APBB2: variants seen among roughly 807,000 people sequenced by gnomAD.
The protein encoded by APBB2 is Fe65-like 1.
Under a neutral mutation model 82.5 loss-of-function variants are expected in APBB2, and 38 were observed. The observed-to-expected ratio is 0.46, with a 90% CI of 0.36 to 0.60. The LOEUF is 0.60. Among genes scored for constraint, APBB2 ranks in the 20% least tolerant of loss-of-function variants. APBB2 has a pLI of 0.00. For missense variants in APBB2, 772 were observed against 972.3 expected (o/e 0.79, Z 2.74); for synonymous variants, 341 against 368.2 (o/e 0.93, Z 0.85).
At chr4:41,078,981 C>G (rs1392995846) in intron 3 of APBB2, among the ~76,000 whole-genome samples, 1 of 152,196 alleles carries the variant, frequency 6.6e-6, no homozygotes, top group Middle Eastern at 3.2e-3. Flanking sequence ...AACCCTGAAT[C>G]TAGAACCAGA....
At chr4:41,207,434 C>T (rs1360967093) in intron 1 of APBB2, among the ~76,000 whole-genome samples, 2 of 152,100 alleles carry the variant, frequency 1.3e-5, no homozygotes, top group East Asian at 3.9e-4. Context: ...TCACCCATCA[C>T]CATTTCCTAG....
chr4:40,970,119 T>C (rs1258429933), intron 6 of APBB2, among the ~76,000 whole-genome samples: 1 of 152,184 alleles, frequency 6.6e-6, no homozygotes, highest in Non-Finnish European at 1.5e-5. Flanking sequence ...CAACCGTTTA[T>C]TCAAAGGAGA....
chr4:40,884,016 G>C (rs1484293729), intron 12 of APBB2, among the ~76,000 whole-genome samples: 2 of 152,192 alleles, frequency 1.3e-5, no homozygotes, highest in Non-Finnish European at 2.9e-5. Context: ...TAAGGACAGG[G>C]ACCATGCCAT....
intron 10 of APBB2, among the ~76,000 whole-genome samples, chr4:40,907,656 C>T (rs536184700): frequency 6.8e-6 from 1 of 147,100 alleles, no homozygotes; most frequent in South Asian, 2.2e-4. Context: ...CAGGTGTGAG[C>T]CACTGTGCCT....
At chr4:41,182,934 G>T (rs1254905664) in intron 1 of APBB2, among the ~76,000 whole-genome samples, 1 of 152,110 alleles carries the variant, frequency 6.6e-6, no homozygotes, top group Non-Finnish European at 1.5e-5. Context: ...ATTTGGGTGG[G>T]GTCACAAAGC....
chr4:40,915,147 C>A (rs1202481807), intron 10 of APBB2, among the ~76,000 whole-genome samples: 1 of 152,210 alleles, frequency 6.6e-6, no homozygotes, highest in East Asian at 1.9e-4. Context: ...GCCTCCAGGC[C>A]AATCCTTCAT....
chr4:40,975,072 C>CT (rs2154400271), intron 6 of APBB2, among the ~76,000 whole-genome samples: 1 of 152,254 alleles, frequency 6.6e-6, no homozygotes, highest in South Asian at 2.1e-4. Flanking sequence ...GTCTGGGTCC[C>CT]TCTCCTTCCT....
At chr4:41,000,069 ATGTGTGTGTGTG>A (rs779111046) in intron 6 of APBB2, among the ~76,000 whole-genome samples, 20 of 130,636 alleles carry the variant, frequency 1.5e-4, no homozygotes, top group African/African-American at 3.7e-4. Context: ...ATATGTGTGT[ATGTGTGTGTGTG>A]TGTGTGTGTG....
intron 1 of APBB2, among the ~76,000 whole-genome samples, chr4:41,171,871 G>A (rs1034211589): frequency 2.6e-5 from 4 of 150,998 alleles, no homozygotes; most frequent in Non-Finnish European, 5.9e-5. Flanking sequence ...CAAGGTGGGT[G>A]GAATCACCTG....
chr4:41,136,567 T>C (rs971265674), intron 2 of APBB2, among the ~76,000 whole-genome samples: 46 of 152,244 alleles, frequency 3.0e-4, no homozygotes, highest in African/African-American at 1.1e-3. Flanking sequence ...TCTACTCAGG[T>C]TGAAATGAGA....
At chr4:40,883,675 T>A (rs1769352318) in intron 12 of APBB2, among the ~76,000 whole-genome samples, 4 of 136,196 alleles carry the variant, frequency 2.9e-5, no homozygotes, top group Admixed American at 2.4e-4. Flanking sequence ...ATGCTGCTAG[T>A]AGAAGACATG....
In APBB2 at chr4:41,013,957, T is replaced by C; in HGVS notation, c.461A>G (p.Gln154Arg). The C allele has an allele frequency of 6.2e-7, 1 of 1,614,222 alleles. No homozygotes were observed. The highest frequency in any genetic ancestry group is 1.1e-5 in the South Asian group (1 of 91,084). The change falls in exon 6 of 18, where the codon CAG becomes CGG. Residue 154 changes from glutamine to arginine, a missense_variant. Coordinates refer to ENST00000508593, the MANE Select transcript of APBB2 (RefSeq NM_004307.2). Reference protein sequence around the residue: ...DSSSCEILPSQPRRTKSFLNY... With the variant: ...DSSSCEILPSRPRRTKSFLNY... Reference sequence around the variant, plus strand: ...TAGGAAGCTCTTAGTTCTCCTGGGCTGGGAGGGTAAAATCTCACAGCTCGA... The same window carrying C: ...TAGGAAGCTCTTAGTTCTCCTGGGCCGGGAGGGTAAAATCTCACAGCTCGA...
At chr4:40,841,915 A>G (rs189718264) in intron 12 of APBB2, among the ~76,000 whole-genome samples, 67 of 152,298 alleles carry the variant, frequency 4.4e-4, no homozygotes, top group Admixed American at 1.1e-3. Flanking sequence ...CCTGACCTCG[A>G]GTGATCCACC....
chr4:40,826,982 T>C lies in APBB2; in HGVS notation c.1732+150A>G, dbSNP rs1048898136. On this transcript the variant is annotated intron_variant, in intron 14 of 17. Transcript: ENST00000508593. The surrounding 1 kb of genome is among the most constrained non-coding windows in gnomAD (Gnocchi z 4.5). ...ATGCAAAATCAACTCTGTGCCTCTGTGAGACCCAGCGTGCAGGCTCAACTT... is the reference window on the plus strand; with the variant it reads ...ATGCAAAATCAACTCTGTGCCTCTGCGAGACCCAGCGTGCAGGCTCAACTT... 4.5e-6 allele frequency: 3 copies of C among 670,940 alleles called. No homozygotes were observed. The highest frequency in any genetic ancestry group is 7.8e-6 in the Non-Finnish European group (3 of 383,748). 41.6% of individuals were successfully genotyped at this position (670,940 alleles called of 1,614,324 possible). A position where few individuals can be genotyped will look rare whatever the true frequency, so the allele number is the denominator to read the frequency against.
At chr4:41,072,537 C>T (rs1271616856) in intron 3 of APBB2, among the ~76,000 whole-genome samples, 1 of 152,126 alleles carries the variant, frequency 6.6e-6, no homozygotes, top group African/African-American at 2.4e-5. Context: ...AAATACCAAG[C>T]TCCAGATAAG....
intron 12 of APBB2, among the ~76,000 whole-genome samples, chr4:40,830,879 C>T (rs1751628302): frequency 6.6e-6 from 1 of 151,756 alleles, no homozygotes; most frequent in East Asian, 1.9e-4. Context: ...GACCAGCTCT[C>T]GAACCAGGCA....
At chr4:40,966,363 G>A (rs942763648) in intron 6 of APBB2, among the ~76,000 whole-genome samples, 1 of 152,208 alleles carries the variant, frequency 6.6e-6, no homozygotes, top group African/African-American at 2.4e-5. Context: ...CTATGATGCT[G>A]GCTGCAGTGG....
intron 6 of APBB2, 57 bp downstream of exon 6, chr4:41,013,526 G>C (rs887654605): frequency 4.7e-6 from 7 of 1,497,764 alleles, no homozygotes; most frequent in Non-Finnish European, 6.4e-6. Flanking sequence ...TACTCCAATA[G>C]TTGAAAAGAT....
intron 1 of APBB2, among the ~76,000 whole-genome samples, chr4:41,160,219 G>A (rs950227348): frequency 6.6e-6 from 1 of 152,160 alleles, no homozygotes; most frequent in Non-Finnish European, 1.5e-5. Context: ...CCTGGACAGG[G>A]AAGACAAGGG....
Sources: gnomAD v4.1 joint callset for allele counts (sites outside exome capture counted in the v4.1 genomes callset) on GRCh38, gnomAD v4.1.1 for gene constraint, Gnocchi (gnomAD v3.1) non-coding constraint, MANE v1.5 for transcripts, NCBI Gene and HGNC (gene_info 2026-07-23, HGNC 2026-07-21) for gene names.